ERICH3: variants seen among roughly 807,000 people sequenced by gnomAD.
ERICH3 encodes the protein glutamate-rich protein 3.
Under a neutral mutation model 131.1 loss-of-function variants are expected in ERICH3, and 126 were observed. That is an observed-to-expected ratio of 0.96 (90% confidence interval 0.83 to 1.11). The LOEUF is 1.11. ERICH3 is among the 50% of genes most tolerant of loss of function. ERICH3 has a pLI of 0.00. For synonymous variants in ERICH3, 695 were observed against 644.6 expected, an observed-to-expected ratio of 1.08 and a Z score of -1.18; for missense variants, 2,050 against 1,810.7, an observed-to-expected ratio of 1.13 and a Z score of -2.40.
intron 7 of ERICH3, among the ~76,000 whole-genome samples, chr1:74,629,276 G>T (rs1649512277): frequency 6.6e-6 from 1 of 151,870 alleles, no homozygotes; most frequent in South Asian, 2.1e-4. Context: ...AGACAAAGAG[G>T]TAGAAAGTAG....
At chr1:74,577,911 A>G (rs1488463774) in intron 12 of ERICH3, among the ~76,000 whole-genome samples, 1 of 152,236 alleles carries the variant, frequency 6.6e-6, no homozygotes, top group Non-Finnish European at 1.5e-5. Context: ...TGAGCATTTC[A>G]TCCATTAGTA....
chr1:74,580,224 T>C (rs933929640), intron 12 of ERICH3, among the ~76,000 whole-genome samples: 74 of 152,248 alleles, frequency 4.9e-4, no homozygotes, highest in African/African-American at 1.7e-3. Flanking sequence ...AATATCCCAC[T>C]TTATTAATTT....
chr1:74,594,221 G>C (rs1158066144), intron 11 of ERICH3, among the ~76,000 whole-genome samples: 3 of 151,740 alleles, frequency 2.0e-5, no homozygotes, highest in Admixed American at 2.0e-4. Context: ...ATGTTATTCA[G>C]TTATTTACCA....
chr1:74,618,813 G>A (rs912936498), intron 8 of ERICH3, among the ~76,000 whole-genome samples: 4 of 152,130 alleles, frequency 2.6e-5, no homozygotes, highest in Non-Finnish European at 2.9e-5. Flanking sequence ...ACGAATTAAC[G>A]AAAGCCAAAT....
intron 7 of ERICH3, chr1:74,622,238 T>A (rs1406101597): frequency 6.6e-6 from 1 of 152,182 alleles, no homozygotes; most frequent in Middle Eastern, 3.2e-3. Context: ...TCTGAAAGTA[T>A]AAATGAGGGA....
chr1:74,646,200 C>T (rs1553166727), intron 3 of ERICH3, among the ~76,000 whole-genome samples: 1 of 152,018 alleles, frequency 6.6e-6, no homozygotes, highest in Non-Finnish European at 1.5e-5. Flanking sequence ...TAACATACGG[C>T]TGAGCTTCAG....
chr1:74,616,710 T>A (rs761763646), intron 8 of ERICH3, among the ~76,000 whole-genome samples: 9 of 151,796 alleles, frequency 5.9e-5, no homozygotes, highest in Non-Finnish European at 1.3e-4. Flanking sequence ...TAGTGAAGGA[T>A]CAAGATGAGA....
chr1:74,666,315 T>A (rs1646692229), intron 1 of ERICH3, among the ~76,000 whole-genome samples: 1 of 151,896 alleles, frequency 6.6e-6, no homozygotes, highest in Admixed American at 6.6e-5. Context: ...AGAATCCAGA[T>A]CTATATGAAA....
intron 9 of ERICH3, among the ~76,000 whole-genome samples, chr1:74,607,999 G>A (rs892402064): frequency 1.5e-4 from 23 of 151,722 alleles, no homozygotes; most frequent in Admixed American, 1.4e-3. Flanking sequence ...TGAGAAAATC[G>A]AGGCTTAAAA....
chr1:74,585,530 A>G (rs1647287968), intron 12 of ERICH3, among the ~76,000 whole-genome samples: 1 of 152,192 alleles, frequency 6.6e-6, no homozygotes, highest in African/African-American at 2.4e-5. Flanking sequence ...AAACAATTCA[A>G]ATTAAATCAT....
chr1:74,612,927 C>T, intron 8 of ERICH3, 118 bp from the exon 9 acceptor site: 3 of 823,410 alleles, frequency 3.6e-6, no homozygotes, highest in Non-Finnish European at 5.2e-6. Context: ...GGTGTCCAAT[C>T]TTTTGGCTTC....
At position 74,573,451 on chromosome 1, in the gene ERICH3, G is replaced by C; in HGVS notation, c.2259C>G (p.Ile753Met). The part of the protein sequence containing the change: ...MNFMVDETAA[I>M]NSNKESQQLV... ...ATTGCTGGGATTCCTTGTTTGAGTT[G>C]ATTGCTGCTGTTTCATCCACCATGA... Residue 753 changes from isoleucine to methionine, a missense_variant, in exon 14 of 15, where the codon ATC becomes ATG. By Grantham distance (10) the Ile-to-Met change is conservative (BLOSUM62 1). Coordinates refer to ENST00000326665, the MANE Select transcript of ERICH3 (RefSeq NM_001002912.5). The C allele has an allele frequency of 1.9e-6, 3 of 1,547,126 alleles. No homozygotes were observed. The highest frequency in any genetic ancestry group is 2.1e-5 in the Admixed American group (1 of 46,936).
chr1:74,579,887 A>G, intron 12 of ERICH3: 3 of 984,618 alleles, frequency 3.0e-6, no homozygotes, highest in Non-Finnish European at 3.6e-6. Context: ...GAATTGTCAC[A>G]CACAGAAAAT....
At chr1:74,659,418 A>C (rs1646619244) in intron 1 of ERICH3, among the ~76,000 whole-genome samples, 1 of 152,214 alleles carries the variant, frequency 6.6e-6, no homozygotes, top group Admixed American at 6.5e-5. Flanking sequence ...TGTCTTTTAA[A>C]GGCCAGAGGG....
At position 74,596,306 on chromosome 1, in the gene ERICH3, C is replaced by G. The variant is rs534019580; in HGVS notation, c.1726+3389G>C. On this transcript the variant is annotated intron_variant, in intron 11 of 14. Transcript: ENST00000326665. Reference sequence around the variant, plus strand: ...TCTGTCTAATCTTTCTCAAAAGGAGCTAGTTAGTCTTTTTTTTCATTACTA... The same window carrying G: ...TCTGTCTAATCTTTCTCAAAAGGAGGTAGTTAGTCTTTTTTTTCATTACTA... Among the ~76,000 whole-genome samples the G allele has an allele frequency of 8.6e-5, 13 of 151,868 alleles. No individual in the cohort carries two copies. In the South Asian group the frequency reaches 2.7e-3, roughly 32 times the overall value.
intron 9 of ERICH3, among the ~76,000 whole-genome samples, chr1:74,611,085 C>CA (rs1487840910): frequency 6.6e-6 from 1 of 152,090 alleles, no homozygotes; most frequent in Admixed American, 6.6e-5. Context: ...CATCTATATG[C>CA]AAACCATTCT....
At chr1:74,648,868 C>G (rs1022476630) in intron 2 of ERICH3, among the ~76,000 whole-genome samples, 1 of 152,074 alleles carries the variant, frequency 6.6e-6, no homozygotes, top group South Asian at 2.1e-4. Context: ...AATATTTTTT[C>G]CGAAGATGAC....
intron 7 of ERICH3, 73 bp from the exon 8 acceptor site, chr1:74,620,987 A>T (rs1396938563): frequency 1.7e-6 from 2 of 1,208,746 alleles, no homozygotes; most frequent in Non-Finnish European, 2.2e-6. Context: ...ACATTGTAAT[A>T]TGAAGAATAA....
intron 5 of ERICH3, among the ~76,000 whole-genome samples, chr1:74,639,434 C>T (rs1246604606): frequency 2.6e-5 from 4 of 152,184 alleles, no homozygotes; most frequent in Non-Finnish European, 5.9e-5. Context: ...CATTAACTAA[C>T]AGCTGTGAGC....
Sources: gnomAD v4.1 joint callset for allele counts (sites outside exome capture counted in the v4.1 genomes callset) on GRCh38, gnomAD v4.1.1 for gene constraint, MANE v1.5 for transcripts, NCBI Gene and HGNC (gene_info 2026-07-23, HGNC 2026-07-21) for gene names.